HSPBAP1: variants seen among roughly 807,000 people sequenced by gnomAD.
HSPBAP1 encodes HSPB1-associated protein 1.
Under a neutral mutation model 45.2 loss-of-function variants are expected in HSPBAP1, and 27 were observed. The observed-to-expected ratio is 0.60, with a 90% CI of 0.44 to 0.82. The LOEUF (loss-of-function observed/expected upper bound fraction) is 0.82, where lower values mean the gene tolerates loss of function less well. Ranked by LOEUF, HSPBAP1 falls within the 40% of genes least tolerant of loss-of-function variation. HSPBAP1 has a pLI of 0.00. For missense variants in HSPBAP1, 510 were observed against 590.9 expected (o/e 0.86, Z 1.42); for synonymous variants, 204 against 202.7 (o/e 1.01, Z -0.06).
At chr3:122,783,094 T>C (rs188327603) in intron 1 of HSPBAP1, among the ~76,000 whole-genome samples, 4 of 152,330 alleles carry the variant, frequency 2.6e-5, no homozygotes, top group African/African-American at 9.6e-5. Flanking sequence ...TCAGGGAGTG[T>C]GTGCAGTGAG....
intron 6 of HSPBAP1, among the ~76,000 whole-genome samples, chr3:122,747,522 T>G (rs919319657): frequency 7.0e-6 from 1 of 143,336 alleles, no homozygotes; most frequent in Admixed American, 6.8e-5. Context: ...AGCCGCCCCG[T>G]CTCGGAGGGA....
chr3:122,770,591 C>T (rs561105184), intron 2 of HSPBAP1, among the ~76,000 whole-genome samples: 97 of 152,232 alleles, frequency 6.4e-4, no homozygotes, highest in Non-Finnish European at 1.1e-3. Flanking sequence ...GTTGCAGCTA[C>T]TCGGGCAGCT....
intron 3 of HSPBAP1, among the ~76,000 whole-genome samples, chr3:122,760,739 T>C (rs1382659081): frequency 6.6e-6 from 1 of 152,146 alleles, no homozygotes; most frequent in Non-Finnish European, 1.5e-5. Context: ...ACTGGGAGCT[T>C]ACCCCTGTTT....
At chr3:122,781,074 GGCA>G (rs961533555) in intron 1 of HSPBAP1, among the ~76,000 whole-genome samples, 6 of 151,144 alleles carry the variant, frequency 4.0e-5, no homozygotes, top group African/African-American at 1.5e-4. Flanking sequence ...TTCCAGACTG[GGCA>G]GCCGGGCAGA....
At position 122,780,309 on chromosome 3, in the gene HSPBAP1, C is replaced by G. The variant is rs1576271402; in HGVS notation, c.65-2403G>C. On this transcript the variant is annotated intron_variant, in intron 1 of 7. Coordinates refer to ENST00000306103, the MANE Select transcript of HSPBAP1 (RefSeq NM_024610.6). ...CTGACCCCCCCACCTCCCTCCCGGA[C>G]GGGGCGGCTGGCCGGGCGGGGGGCT... 3.6e-5 allele frequency among the ~76,000 whole-genome samples: 3 copies of G among 83,402 alleles called. No homozygotes were observed. The South Asian group carries it at 1.3e-3, about 35-fold the overall frequency. The allele number at this position is 83,402 out of a possible 152,430, so 54.7% of individuals were successfully genotyped here.
intron 1 of HSPBAP1, among the ~76,000 whole-genome samples, chr3:122,789,941 C>A (rs1935771983): frequency 6.6e-6 from 1 of 150,414 alleles, no homozygotes; most frequent in Non-Finnish European, 1.5e-5. Flanking sequence ...CAACTCACTA[C>A]AACCTCCGCT....
At position 122,740,508 on chromosome 3, in the gene HSPBAP1, T is replaced by C. The variant is rs1212675949; in HGVS notation, c.1304A>G (p.Gln435Arg). The stretch of plus-strand genomic sequence containing the variant: ...TGCATTTTCACTGTTGCTCATTATT[T>C]GTTGTCTCTTGGCACAATGCAATTT... ...FGKLHCAKRQ[Q>R]IMSNSENAIE... Residue 435 changes from glutamine to arginine, a missense_variant, in exon 8 of 8, where the codon CAA becomes CGA. By Grantham distance (43) the Gln-to-Arg change is conservative. Transcript: ENST00000306103. 1 of 1,614,146 alleles carries C rather than the reference T, an allele frequency of 6.2e-7. No homozygotes were observed. The highest frequency in any genetic ancestry group is 1.3e-5 in the African/African-American group (1 of 74,944).
intron 1 of HSPBAP1, among the ~76,000 whole-genome samples, chr3:122,782,799 G>A (rs907170592): frequency 2.6e-5 from 4 of 152,096 alleles, no homozygotes; most frequent in African/African-American, 4.8e-5. Flanking sequence ...TCTTCTCTAC[G>A]ATAAAAGGAA....
chr3:122,773,453 CGT>C, intron 2 of HSPBAP1, among the ~76,000 whole-genome samples: 1 of 151,818 alleles, frequency 6.6e-6, no homozygotes, highest in East Asian at 1.9e-4. Context: ...AGATTACAGG[CGT>C]GCACCACCAC....
At chr3:122,750,940 T>A (rs896837313) in intron 6 of HSPBAP1, among the ~76,000 whole-genome samples, 5 of 152,178 alleles carry the variant, frequency 3.3e-5, no homozygotes. Context: ...AAATACTGGA[T>A]TTAGAATTAA....
rs780938480 is a variant in HSPBAP1 at position 122,741,132 on chromosome 3, C to T, written c.826-19G>A. 6.5e-6 allele frequency: 10 copies of T among 1,537,574 alleles called. No homozygotes were observed. On this transcript the variant is annotated intron_variant, in intron 6 of 7. Transcript: ENST00000306103. ...CCTCTTCCTGAATTAAAAAAACACG[C>T]TTTTAACTTCTGTTAAGTCTCATGG...
chr3:122,746,089 G>A (rs1369110363), intron 6 of HSPBAP1, among the ~76,000 whole-genome samples: 1 of 152,152 alleles, frequency 6.6e-6, no homozygotes, highest in Admixed American at 6.5e-5. Flanking sequence ...ATCCCCCGAG[G>A]ATAAGGAGAT....
chr3:122,743,867 G>T (rs1364049773), intron 6 of HSPBAP1, among the ~76,000 whole-genome samples: 1 of 152,084 alleles, frequency 6.6e-6, no homozygotes. Context: ...AAAATTCTAG[G>T]CTGGGCATGG....
rs1237663530 is a variant in HSPBAP1, at chr3:122,788,445, T to C, written c.64+5172A>G. On this transcript the variant is annotated intron_variant, in intron 1 of 7. Transcript: ENST00000306103. ...TAATTTAAAATAAATGATTATTTTA[T>C]CTTACTTTTCCTCAAAAGTATTCTA... Among the ~76,000 whole-genome samples, 5 of 152,206 alleles carry C rather than the reference T, an allele frequency of 3.3e-5. No homozygotes were observed. The East Asian group carries it at 9.6e-4, about 29-fold the overall frequency.
At position 122,740,615 on chromosome 3, in the gene HSPBAP1, G is replaced by A. The variant is rs1304163721; in HGVS notation, c.1197C>T (p.Ser399=). The A allele has an allele frequency of 6.2e-6, 10 of 1,613,918 alleles. No individual in the cohort carries two copies. The highest frequency in any genetic ancestry group is 3.3e-5 in the Admixed American group (2 of 59,984). The part of the protein sequence containing the change: ...GPDLVPVAQR[S]EEPPSERGGI... ...CTCCTCTTTCTGAAGGCGGTTCTTCGGACCTCTGTGCTACAGGGACCAGAT... is the reference window on the plus strand; with the variant it reads ...CTCCTCTTTCTGAAGGCGGTTCTTCAGACCTCTGTGCTACAGGGACCAGAT... Residue 399 remains serine, a synonymous_variant, in exon 8 of 8, where the codon TCC becomes TCT. Coordinates refer to ENST00000306103, the MANE Select transcript of HSPBAP1 (RefSeq NM_024610.6).
chr3:122,758,893 T>G, intron 4 of HSPBAP1: 2 of 181,398 alleles, frequency 1.1e-5, no homozygotes, highest in Non-Finnish European at 2.1e-5. Context: ...GTCTCTAATT[T>G]ACCAAAAAAA....
At chr3:122,783,917 G>A (rs1400173312) in intron 1 of HSPBAP1, among the ~76,000 whole-genome samples, 1 of 151,276 alleles carries the variant, frequency 6.6e-6, no homozygotes, top group Non-Finnish European at 1.5e-5. Flanking sequence ...TGCAAGCTCC[G>A]CCTCCCGGGT....
In HSPBAP1 at chr3:122,745,445, A is replaced by G. The variant is rs72966367; in HGVS notation, c.826-4332T>C. Among the ~76,000 whole-genome samples the G allele has an allele frequency of 8.3e-3, 1,265 of 152,328 alleles. 12 individuals are homozygous for G. The highest frequency in any genetic ancestry group is 0.028 in the African/African-American group (1,180 of 41,574). Reference sequence around the variant, plus strand: ...CCTTATCTGCAGTTTCGCTTTCCACAGTTTCAGTTACCCGTGGGCAATCTC... The same window carrying G: ...CCTTATCTGCAGTTTCGCTTTCCACGGTTTCAGTTACCCGTGGGCAATCTC... On this transcript the variant is annotated intron_variant, in intron 6 of 7. Transcript: ENST00000306103.
At chr3:122,748,428 C>T (rs1292183220) in intron 6 of HSPBAP1, among the ~76,000 whole-genome samples, 1 of 151,478 alleles carries the variant, frequency 6.6e-6, no homozygotes, top group South Asian at 2.1e-4. Flanking sequence ...ATACTATATC[C>T]TAGTGAAAAA....
Sources: allele counts gnomAD v4.1 joint callset (sites outside exome capture counted in the v4.1 genomes callset), GRCh38; gene constraint gnomAD v4.1.1; transcripts MANE v1.5; gene names NCBI Gene and HGNC (gene_info 2026-07-23, HGNC 2026-07-21).